DIP2C: variants seen among roughly 807,000 people sequenced by gnomAD.
DIP2C encodes the protein disco-interacting protein 2 homolog C.
DIP2C carries 33 observed loss-of-function variants against 192.4 expected under a neutral mutation model. The observed-to-expected ratio is 0.17, with a 90% CI of 0.13 to 0.23. The LOEUF (loss-of-function observed/expected upper bound fraction) is 0.23. DIP2C is among the 10% of genes least tolerant of loss of function. The pLI, the probability that DIP2C is intolerant of heterozygous loss-of-function variation, is 1.00. For missense variants in DIP2C, 1,537 were observed against 2,110.1 expected, an observed-to-expected ratio of 0.73 and a Z score of 5.32; for synonymous variants, 979 against 864.1, an observed-to-expected ratio of 1.13 and a Z score of -2.33.
intron 1 of DIP2C, among the ~76,000 whole-genome samples, chr10:524,981 AAAG>A (rs1294353542): frequency 2.0e-5 from 3 of 151,558 alleles, no homozygotes; most frequent in Non-Finnish European, 2.9e-5. Context: ...AAAAAAAAAA[AAAG>A]AATCACATTT....
At chr10:409,387 G>A (rs1017608802) in intron 8 of DIP2C, among the ~76,000 whole-genome samples, 3 of 152,152 alleles carry the variant, frequency 2.0e-5, no homozygotes, top group Non-Finnish European at 2.9e-5. Context: ...CACCATCAGG[G>A]AGCGGGAGGG....
At chr10:565,793 G>A (rs1001070847) in intron 1 of DIP2C, among the ~76,000 whole-genome samples, 1 of 152,234 alleles carries the variant, frequency 6.6e-6, no homozygotes, top group South Asian at 2.1e-4. Flanking sequence ...TAAAGCAGGA[G>A]TTACCCTCTC....
chr10:311,628 C>G, intron 31 of DIP2C: 2 of 1,196,902 alleles, frequency 1.7e-6, no homozygotes, highest in Non-Finnish European at 2.1e-6. Flanking sequence ...CAGAAACCAA[C>G]ACACACAACA....
chr10:359,267 C>T (rs985897628), intron 22 of DIP2C, among the ~76,000 whole-genome samples: 2 of 152,214 alleles, frequency 1.3e-5, no homozygotes, highest in African/African-American at 4.8e-5. Context: ...GCAGGGCCAC[C>T]GGCTCTCTAC....
At chr10:489,016 G>A (rs1019296087) in intron 1 of DIP2C, among the ~76,000 whole-genome samples, 1 of 152,128 alleles carries the variant, frequency 6.6e-6, no homozygotes, top group African/African-American at 2.4e-5. Context: ...AGTTACTGGG[G>A]GGCGGGCAAA....
intron 1 of DIP2C, among the ~76,000 whole-genome samples, chr10:545,166 C>CCCTTTTTTTTTTT (rs1554896881): frequency 2.5e-4 from 22 of 86,348 alleles, no homozygotes; most frequent in African/African-American, 9.7e-4. Context: ...GGTGTTTTCC[C>CCCTTTTTTTTTTT]TTTTTTTTTT....
At chr10:541,217 G>A (rs1441863664) in intron 1 of DIP2C, among the ~76,000 whole-genome samples, 1 of 152,102 alleles carries the variant, frequency 6.6e-6, no homozygotes, top group Non-Finnish European at 1.5e-5. Context: ...CCCTGAGTCC[G>A]GCCACCACCG....
intron 36 of DIP2C, among the ~76,000 whole-genome samples, 174 bp from the exon 37 acceptor site, chr10:277,751 T>G (rs1028514453): frequency 2.6e-5 from 4 of 151,726 alleles, no homozygotes; most frequent in Non-Finnish European, 5.9e-5. Context: ...CATACAGACT[T>G]CCTGGCGACA....
intron 1 of DIP2C, among the ~76,000 whole-genome samples, chr10:554,818 G>C (rs1482949734): frequency 6.6e-6 from 1 of 152,232 alleles, no homozygotes; most frequent in Non-Finnish European, 1.5e-5. Context: ...AGGTGCTCCT[G>C]AAACCTGGGC....
intron 1 of DIP2C, among the ~76,000 whole-genome samples, chr10:561,704 A>C (rs1317146500): frequency 2.0e-5 from 3 of 152,166 alleles, no homozygotes; most frequent in African/African-American, 7.2e-5. Flanking sequence ...ATCCAGCAAC[A>C]CAACTCCTGG....
At position 640,199 on chromosome 10, in the gene DIP2C, G is replaced by A. The variant is rs555003480; in HGVS notation, c.85+49295C>T. Among the ~76,000 whole-genome samples the A allele has an allele frequency of 2.6e-5, 4 of 152,320 alleles. No homozygotes were observed. The South Asian group carries it at 8.3e-4, about 32-fold the overall frequency. ...TCCCACAGGTGGCAAGTGCCTGAAC[G>A]TCCCCACGGCTGGCGGGGCTCCCGG... On this transcript the variant is annotated intron_variant, in intron 1 of 36. Coordinates refer to ENST00000280886, the MANE Select transcript of DIP2C (RefSeq NM_014974.3).
intron 1 of DIP2C, among the ~76,000 whole-genome samples, chr10:621,510 GCACA>G (rs1433836036): frequency 6.6e-6 from 1 of 152,224 alleles, no homozygotes; most frequent in African/African-American, 2.4e-5. Flanking sequence ...CCCCAGGGGT[GCACA>G]CACACTCTGC....
chr10:441,036 G>A (rs1370763491), intron 3 of DIP2C, 40 bp from the exon 4 acceptor site: 1 of 1,591,226 alleles, frequency 6.3e-7, no homozygotes, highest in Admixed American at 1.7e-5. Flanking sequence ...GCTCAGCTGA[G>A]GTCCCAGAGG....
At chr10:496,497 C>T (rs549973726) in intron 1 of DIP2C, among the ~76,000 whole-genome samples, 3 of 151,538 alleles carry the variant, frequency 2.0e-5, no homozygotes, top group African/African-American at 7.3e-5. Context: ...CCCACAGTGC[C>T]CTCCCGTGTA....
chr10:643,516 AAAAAAACAAAAAC>A lies in DIP2C; in HGVS notation c.85+45965_85+45977del, dbSNP rs529993454. 5.3e-5 allele frequency among the ~76,000 whole-genome samples: 8 copies of A among 152,294 alleles called. No individual in the cohort carries two copies. The South Asian group carries it at 1.5e-3, about 28-fold the overall frequency. Reference sequence around the variant, plus strand: ...GTGACAGAGTGAGACTCCATCTCAAAAAAAAACAAAAACAAAAAACAACACAGAAGCCCGTGGA... The same window carrying A: ...GTGACAGAGTGAGACTCCATCTCAAAAAAAAACAACACAGAAGCCCGTGGA... On this transcript the variant is annotated intron_variant, in intron 1 of 36. Transcript: ENST00000280886.
At chr10:378,779 G>A (rs560672096) in intron 17 of DIP2C, among the ~76,000 whole-genome samples, 20 of 150,378 alleles carry the variant, frequency 1.3e-4, no homozygotes, top group African/African-American at 3.2e-4. Flanking sequence ...GAACACACAT[G>A]CCTAGACACC....
At chr10:548,911 C>CCAAAAAAAAAAAAAAA (rs1348217783) in intron 1 of DIP2C, among the ~76,000 whole-genome samples, 1 of 26,462 alleles carries the variant, frequency 3.8e-5, no homozygotes, top group African/African-American at 1.3e-4. Context: ...TAGCAGCTCA[C>CCAAAAAAAAAAAAAAA]AAAAAAAAAA....
Position 579,460 on chromosome 10 carries a change from C to T in DIP2C, c.86-92930G>A, listed in dbSNP as rs188888434. On this transcript the variant is annotated intron_variant, in intron 1 of 36. Coordinates refer to ENST00000280886, the MANE Select transcript of DIP2C (RefSeq NM_014974.3). The stretch of plus-strand genomic sequence containing the variant: ...ATAACACATGTGTACATGCATAGAG[C>T]GTACACACATACAGATCCAGTGTAC... Among the ~76,000 whole-genome samples the T allele has an allele frequency of 2.3e-3, 348 of 151,632 alleles. 2 individuals carry two copies. Among genetic ancestry groups the T allele is most frequent in the African/African-American group, 7.9e-3 (326 of 41,280 alleles).
At chr10:321,499 C>T (rs959505085) in intron 31 of DIP2C, among the ~76,000 whole-genome samples, 2 of 151,296 alleles carry the variant, frequency 1.3e-5, no homozygotes, top group African/African-American at 4.9e-5. Flanking sequence ...TCAGGCGTCC[C>T]CCACCAGAGT....
Sources: allele counts gnomAD v4.1 joint callset (sites outside exome capture counted in the v4.1 genomes callset), GRCh38; gene constraint gnomAD v4.1.1; transcripts MANE v1.5; gene names NCBI Gene and HGNC (gene_info 2026-07-23, HGNC 2026-07-21).